SLC6A16: variants seen among roughly 807,000 people sequenced by gnomAD.
SLC6A16 encodes the protein solute carrier family 6 member 16.
In SLC6A16, 54 loss-of-function variants were observed where a neutral mutation model predicts 65.4. The ratio of observed to expected loss-of-function variants is 0.83; its 90% CI spans 0.66 to 1.04. The LOEUF (loss-of-function observed/expected upper bound fraction) is 1.04, where lower values mean the gene tolerates loss of function less well. SLC6A16 is among the 50% of genes least tolerant of loss of function. The pLI is 0.00. For synonymous variants in SLC6A16, 330 were observed against 346.5 expected, an observed-to-expected ratio of 0.95 and a Z score of 0.53; for missense variants, 816 against 914.0, an observed-to-expected ratio of 0.89 and a Z score of 1.38.
chr19:49,308,666 T>C, intron 7 of SLC6A16: 1 of 613,884 alleles, frequency 1.6e-6, no homozygotes, highest in Non-Finnish European at 2.9e-6. Context: ...TGAAGATTTA[T>C]TTCTAGGGTG....
upstream of SLC6A16, among the ~76,000 whole-genome samples, chr19:49,328,745 A>G (rs146137896): frequency 1.1e-4 from 17 of 152,350 alleles, no homozygotes; most frequent in South Asian, 2.5e-3. Context: ...GAACATAAGT[A>G]ATGGTGGGGA....
At chr19:49,299,229 G>A (rs1444683362) in intron 7 of SLC6A16, among the ~76,000 whole-genome samples, 1 of 148,342 alleles carries the variant, frequency 6.7e-6, no homozygotes, top group Non-Finnish European at 1.5e-5. Flanking sequence ...CTGGGCAACA[G>A]AGCGAGACTC....
chr19:49,297,546 G>A (rs1453081362), intron 7 of SLC6A16, among the ~76,000 whole-genome samples: 2 of 152,108 alleles, frequency 1.3e-5, no homozygotes, highest in African/African-American at 2.4e-5. Context: ...TAAACATACC[G>A]TTACCACGTA....
chr19:49,337,080 C>T, the SLC6A16 span: 10 of 1,613,844 alleles, frequency 6.2e-6, no homozygotes, highest in Admixed American at 6.7e-5. Context: ...CCTATCCCCA[C>T]CCTCAAAAAT....
At chr19:49,325,318 A>C, upstream of SLC6A16, 6 of 830,276 alleles carry the variant, frequency 7.2e-6, no homozygotes, top group Non-Finnish European at 8.7e-6. Flanking sequence ...CTCTCCCCAC[A>C]CGCACGCACG....
the SLC6A16 span, chr19:49,331,825 C>T: frequency 2.2e-6 from 1 of 457,178 alleles, no homozygotes. Flanking sequence ...TGAAGTCCTC[C>T]TGTGTGCCTA....
At chr19:49,305,783 G>T (rs1241056564) in intron 7 of SLC6A16, 1 of 152,060 alleles carries the variant, frequency 6.6e-6, no homozygotes, top group Non-Finnish European at 1.5e-5. Flanking sequence ...TACTTCCAGA[G>T]TGATTTGTTA....
chr19:49,308,757 G>A (rs539157591), intron 7 of SLC6A16, 119 bp downstream of exon 7: 2 of 1,243,934 alleles, frequency 1.6e-6, no homozygotes, highest in Non-Finnish European at 2.3e-6. Context: ...TAGAGGGCTT[G>A]CAAGTGCACC....
chr19:49,303,633 T>C (rs1419295749), intron 7 of SLC6A16, among the ~76,000 whole-genome samples: 1 of 145,508 alleles, frequency 6.9e-6, no homozygotes, highest in Non-Finnish European at 1.5e-5. Context: ...CCAGCCTGAG[T>C]GACAGTGTGA....
chr19:49,339,490 T>C, the SLC6A16 span: 1 of 1,543,316 alleles, frequency 6.5e-7, no homozygotes, highest in Non-Finnish European at 8.9e-7. The surrounding 1 kb of genome is among the most constrained non-coding windows in gnomAD (Gnocchi z 4.5). Flanking sequence ...CGTCCTTCGG[T>C]TGCCTGGGAA....
At chr19:49,339,037 G>C in the SLC6A16 span, 2 of 998,506 alleles carry the variant, frequency 2.0e-6, no homozygotes, top group Non-Finnish European at 3.1e-6. The surrounding 1 kb of genome is among the most constrained non-coding windows in gnomAD (Gnocchi z 4.5). Flanking sequence ...CGGGGTCTAC[G>C]AGAAAAGGAA....
chr19:49,335,560 G>A, the SLC6A16 span: 1 of 1,613,992 alleles, frequency 6.2e-7, no homozygotes. This position sits in a 1 kb window ranked among gnomAD's most constrained non-coding sequence, Gnocchi z 4.6. Flanking sequence ...CAGGAGAGCT[G>A]CCTCAGCCTC....
Position 49,325,028 on chromosome 19 carries a change from C to T in SLC6A16, c.-65+20G>A, listed in dbSNP as rs534876585. 1,346 of 985,398 alleles carry T rather than the reference C, an allele frequency of 1.4e-3. 4 individuals carry two copies. The highest frequency in any genetic ancestry group is 1.5e-3 in the Non-Finnish European group (1,217 of 829,898). 61.0% of individuals were successfully genotyped at this position (985,398 alleles called of 1,614,324 possible). On this transcript the variant is annotated intron_variant, in intron 1 of 11. Coordinates refer to ENST00000335875, the MANE Select transcript of SLC6A16 (RefSeq NM_014037.3). ...CCAGATGTGGGAACATTTTAGGGCT[C>T]CCTGGGCCGTGACCCTCACCCTAGC...
chr19:49,318,212 C>T (rs1208440060), intron 1 of SLC6A16, among the ~76,000 whole-genome samples: 1 of 152,170 alleles, frequency 6.6e-6, no homozygotes, highest in African/African-American at 2.4e-5. Flanking sequence ...TGGGGAACTA[C>T]AGGTAAAACA....
At position 49,310,529 on chromosome 19, in the gene SLC6A16, A is replaced by C. The variant is rs771868625; in HGVS notation, c.416-19T>G. 1 of 1,613,770 alleles carries C rather than the reference A, an allele frequency of 6.2e-7. No homozygotes were observed. Among genetic ancestry groups the C allele is most frequent in the South Asian group, 1.1e-5 (1 of 91,058 alleles). On this transcript the variant is annotated intron_variant, in intron 2 of 11. Transcript: ENST00000335875. Reference sequence around the variant, plus strand: ...AAACTGCCTGTGAAGAAGATTCAGAAGGGACTCTGAGAACCATGTGGCCTT... The same window carrying C: ...AAACTGCCTGTGAAGAAGATTCAGACGGGACTCTGAGAACCATGTGGCCTT...
the SLC6A16 span, chr19:49,335,285 G>T: frequency 1.9e-6 from 1 of 524,130 alleles, no homozygotes; most frequent in South Asian, 2.5e-5. The surrounding 1 kb of genome is among the most constrained non-coding windows in gnomAD (Gnocchi z 4.6). Flanking sequence ...AAATTCCAAG[G>T]CCCCTCAGGT....
At chr19:49,322,476 A>G (rs1970727576) in intron 1 of SLC6A16, among the ~76,000 whole-genome samples, 1 of 152,010 alleles carries the variant, frequency 6.6e-6, no homozygotes, top group East Asian at 1.9e-4. Context: ...ACCCGTTTCC[A>G]TTACCAAGTT....
chr19:49,337,289 G>A, the SLC6A16 span: 1 of 1,471,634 alleles, frequency 6.8e-7, no homozygotes, highest in Non-Finnish European at 9.5e-7. Context: ...GGTGGGAGAG[G>A]GTGGAGAGAG....
the SLC6A16 span, chr19:49,331,867 A>G: frequency 2.2e-6 from 1 of 455,926 alleles, no homozygotes; most frequent in Non-Finnish European, 4.4e-6. Flanking sequence ...TGAGCATCAA[A>G]GCTGCAGTGA....
Sources: allele counts gnomAD v4.1 joint callset (sites outside exome capture counted in the v4.1 genomes callset), GRCh38; gene constraint gnomAD v4.1.1; non-coding constraint Gnocchi (gnomAD v3.1); transcripts MANE v1.5; gene names NCBI Gene and HGNC (gene_info 2026-07-23, HGNC 2026-07-21).